PIK3R5: variants seen among roughly 807,000 people sequenced by gnomAD.
PIK3R5 encodes the protein phosphoinositide 3-kinase regulatory subunit 5.
In PIK3R5, 32 loss-of-function variants were observed where a neutral mutation model predicts 94.9. The ratio of observed to expected loss-of-function variants is 0.34; its 90% CI spans 0.25 to 0.45. The LOEUF is 0.45. Ranked by LOEUF, PIK3R5 falls within the 20% of genes least tolerant of loss-of-function variation. The pLI is 1.00. For synonymous variants in PIK3R5, 443 were observed against 479.4 expected, an observed-to-expected ratio of 0.92 and a Z score of 0.99; for missense variants, 853 against 1,144.6, an observed-to-expected ratio of 0.75 and a Z score of 3.68.
intron 5 of PIK3R5, among the ~76,000 whole-genome samples, chr17:8,897,146 G>A (rs1290490496): frequency 6.6e-6 from 1 of 152,226 alleles, no homozygotes; most frequent in African/African-American, 2.4e-5. Flanking sequence ...GGGACTCATG[G>A]CTGTGGGCCT....
chr17:8,922,241 T>C (rs79689936), intron 1 of PIK3R5, among the ~76,000 whole-genome samples: 5,969 of 152,180 alleles, frequency 0.039, 172 homozygotes, highest in Non-Finnish European at 0.055. Context: ...AGGTACTATG[T>C]TGGGCGCTTT....
rs780063301 is a variant in PIK3R5 at position 8,893,811 on chromosome 17, G to A, written c.413-156C>T. 2 of 596,074 alleles carry A rather than the reference G, an allele frequency of 3.4e-6. No individual in the cohort carries two copies. Among genetic ancestry groups the A allele is most frequent in the Non-Finnish European group, 6.1e-6 (2 of 329,442 alleles). 36.9% of individuals were successfully genotyped at this position (596,074 alleles called of 1,614,324 possible). A position where few individuals can be genotyped will look rare whatever the true frequency, so the allele number is the denominator to read the frequency against. ...GAAGCTGTTCTGTGGACCCTCCAGG[G>A]TGCCTAGCAGTTTGCTTCTATGCGT... On this transcript the variant is annotated intron_variant, in intron 5 of 18. Coordinates refer to ENST00000447110, the MANE Select transcript of PIK3R5 (RefSeq NM_001142633.3). The surrounding 1 kb of genome is among the most constrained non-coding windows in gnomAD (Gnocchi z 5.1).
intron 10 of PIK3R5, 64 bp from the exon 11 acceptor site, chr17:8,887,747 C>T: frequency 7.5e-6 from 11 of 1,474,006 alleles, no homozygotes; most frequent in African/African-American, 1.4e-5. Flanking sequence ...AATCCCAGCA[C>T]TTTGGGAGGC....
Position 8,911,298 on chromosome 17 carries a change from G to A in PIK3R5, c.103+94C>T, listed in dbSNP as rs1408750618. 1 of 946,664 alleles carries A rather than the reference G, an allele frequency of 1.1e-6. No individual in the cohort carries two copies. The allele number at this position is 946,664 out of a possible 1,614,324, so 58.6% of individuals were successfully genotyped here. On this transcript the variant is annotated intron_variant, in intron 2 of 18. Coordinates refer to ENST00000447110, the MANE Select transcript of PIK3R5 (RefSeq NM_001142633.3). This position sits in a 1 kb window ranked among gnomAD's most constrained non-coding sequence, Gnocchi z 5.3. ...AGTCACACAGACAGGGTTTCACCTA[G>A]AATTTGCCAGTTTCCATGCCTGGTC...
chr17:8,956,937 G>A (rs577256828), intron 1 of PIK3R5, among the ~76,000 whole-genome samples: 2 of 152,324 alleles, frequency 1.3e-5, no homozygotes, highest in African/African-American at 4.8e-5. Context: ...GGATGTGGGC[G>A]AGGATCCCAG....
chr17:8,921,502 T>A (rs183775821), intron 1 of PIK3R5, among the ~76,000 whole-genome samples: 15 of 152,044 alleles, frequency 9.9e-5, no homozygotes, highest in African/African-American at 3.6e-4. Context: ...CCCAAGAAAA[T>A]CAACTGAAAA....
chr17:8,893,559 G>C lies in PIK3R5; in HGVS notation c.482+27C>G, dbSNP rs1487542478. The C allele has an allele frequency of 6.3e-7, 1 of 1,596,916 alleles. No homozygotes were observed. The highest frequency in any genetic ancestry group is 1.1e-5 in the South Asian group (1 of 90,720). ...AGGGGTCCCAAACTCCCTCCCCACT[G>C]TTTCTCCGTCCCCCAAGAGCACTCA... On this transcript the variant is annotated intron_variant, in intron 6 of 18. Coordinates refer to ENST00000447110, the MANE Select transcript of PIK3R5 (RefSeq NM_001142633.3). The surrounding 1 kb of genome is among the most constrained non-coding windows in gnomAD (Gnocchi z 5.1).
At chr17:8,965,001 C>CA (rs1567679194) in intron 1 of PIK3R5, among the ~76,000 whole-genome samples, 27 of 150,694 alleles carry the variant, frequency 1.8e-4, no homozygotes, top group Non-Finnish European at 3.0e-4. Flanking sequence ...ATGCGCATGC[C>CA]CACACACACA....
chr17:8,965,199 G>C (rs114843800), intron 1 of PIK3R5, among the ~76,000 whole-genome samples: 2,475 of 152,334 alleles, frequency 0.016, 68 homozygotes, highest in African/African-American at 0.054. Context: ...CCCAGGTTCT[G>C]ACGGCACAAG....
Position 8,882,202 on chromosome 17 carries a change from C to A in PIK3R5, c.2206-321G>T. ...AAGAAGGGTTGGGCCCACAGACATG[C>A]TGTTTCTGGCAGAGCCAGACCTGAA... is the stretch of plus-strand genomic sequence containing the variant. On this transcript the variant is annotated intron_variant, in intron 15 of 18. Transcript: ENST00000447110. This position sits in a 1 kb window ranked among gnomAD's most constrained non-coding sequence, Gnocchi z 4.1. 2.9e-6 allele frequency: 1 copy of A among 347,080 alleles called. No homozygotes were observed. The highest frequency in any genetic ancestry group is 5.4e-6 in the Non-Finnish European group (1 of 183,970). 21.5% of individuals were successfully genotyped at this position (347,080 alleles called of 1,614,324 possible). A position where few individuals can be genotyped will look rare whatever the true frequency, so the allele number is the denominator to read the frequency against.
Position 8,880,718 on chromosome 17 carries a change from T to G in PIK3R5, c.2564A>C (p.Asp855Ala), listed in dbSNP as rs1353364791. Residue 855 changes from aspartate to alanine, a missense_variant, in exon 19 of 19, where the codon GAC (aspartate) becomes GCC (alanine). Around this residue, in one of 6 missense-constraint regions of PIK3R5, gnomAD observed 91 missense variants for 90.5 expected, o/e 1.01. Transcript: ENST00000447110. ...ATCAGGTGCGGCCTGGGCCGGCAGG[T>G]CAGGAGGCGTCTGGGGTGGTGAGGA... The part of the protein sequence containing the change: ...DLSSPPQTPP[D>A]LPAQAAPDLC... 1 of 1,613,828 alleles carries G rather than the reference T, an allele frequency of 6.2e-7. No homozygotes were observed. Among genetic ancestry groups the G allele is most frequent in the Admixed American group, 1.7e-5 (1 of 59,992 alleles).
chr17:8,897,294 T>C (rs1167188035), intron 5 of PIK3R5, among the ~76,000 whole-genome samples: 1 of 152,026 alleles, frequency 6.6e-6, no homozygotes, highest in Non-Finnish European at 1.5e-5. Context: ...GGAATGTGGC[T>C]AGAAAGCCAA....
intron 5 of PIK3R5, among the ~76,000 whole-genome samples, chr17:8,897,107 C>T (rs2090168680): frequency 6.6e-6 from 1 of 152,200 alleles, no homozygotes; most frequent in African/African-American, 2.4e-5. Flanking sequence ...TCCCCAGGGT[C>T]CTGGACTCCA....
chr17:8,940,399 C>T (rs961022892), intron 1 of PIK3R5, among the ~76,000 whole-genome samples: 1 of 42,078 alleles, frequency 2.4e-5, no homozygotes, highest in Non-Finnish European at 5.5e-5. Context: ...AACCACCGGC[C>T]ATCCTCAAGA....
chr17:8,893,521 G>A lies in PIK3R5; in HGVS notation c.482+65C>T. ...TGTTTGAGTGGGGGAGGAGGGTGAA[G>A]GTGGAACAGTGCAGGGGTCCCAAAC... On this transcript the variant is annotated intron_variant, in intron 6 of 18. Coordinates refer to ENST00000447110, the MANE Select transcript of PIK3R5 (RefSeq NM_001142633.3). This position sits in a 1 kb window ranked among gnomAD's most constrained non-coding sequence, Gnocchi z 5.1. 7.8e-7 allele frequency: 1 copy of A among 1,276,332 alleles called. No individual in the cohort carries two copies. The highest frequency in any genetic ancestry group is 1.1e-6 in the Non-Finnish European group (1 of 875,186). The allele number at this position is 1,276,332 out of a possible 1,614,324, so 79.1% of individuals were successfully genotyped here. A position where few individuals can be genotyped will look rare whatever the true frequency, so the allele number is the denominator to read the frequency against.
rs188739952 is a variant in PIK3R5, at chr17:8,893,702, G to A, written c.413-47C>T. 1.6e-5 allele frequency: 23 copies of A among 1,448,106 alleles called. No homozygotes were observed. In the East Asian group the frequency reaches 5.2e-4, roughly 33 times the overall value. The allele number at this position is 1,448,106 out of a possible 1,614,324, so 89.7% of individuals were successfully genotyped here. A position where few individuals can be genotyped will look rare whatever the true frequency, so the allele number is the denominator to read the frequency against. On this transcript the variant is annotated intron_variant, in intron 5 of 18. Transcript: ENST00000447110. The surrounding 1 kb of genome is among the most constrained non-coding windows in gnomAD (Gnocchi z 5.1). The stretch of plus-strand genomic sequence containing the variant: ...GTTCATGGGCTGATCAGTTCCTTCA[G>A]CATCGTCCGTGTGCCTCGTGGGGAG...
intron 12 of PIK3R5, 51 bp downstream of exon 12, chr17:8,887,045 C>T: frequency 6.2e-7 from 1 of 1,607,318 alleles, no homozygotes. Context: ...CTAAGTGAGG[C>T]TGGGTGACTG....
chr17:8,896,906 T>C lies in PIK3R5; in HGVS notation c.413-3251A>G, dbSNP rs1294699448. The stretch of plus-strand genomic sequence containing the variant: ...GAAGCAGAGCCCGGCCCCAACGGCA[T>C]TGCAATCTCCAAATGAGACTAGATC... On this transcript the variant is annotated intron_variant, in intron 5 of 18. Coordinates refer to ENST00000447110, the MANE Select transcript of PIK3R5 (RefSeq NM_001142633.3). This position sits in a 1 kb window ranked among gnomAD's most constrained non-coding sequence, Gnocchi z 4.0. 6.6e-6 allele frequency among the ~76,000 whole-genome samples: 1 copy of C among 152,182 alleles called. No homozygotes were observed. The highest frequency in any genetic ancestry group is 2.4e-5 in the African/African-American group (1 of 41,440).
At chr17:8,927,440 C>T (rs993861378) in intron 1 of PIK3R5, among the ~76,000 whole-genome samples, 7 of 152,188 alleles carry the variant, frequency 4.6e-5, no homozygotes, top group African/African-American at 9.7e-5. Flanking sequence ...TCTCCATTAG[C>T]GGTAATTAGC....
Sources: gnomAD v4.1 joint callset for allele counts (sites outside exome capture counted in the v4.1 genomes callset) on GRCh38, gnomAD v4.1.1 for gene constraint, gnomAD v4.1.1 regional missense constraint, Gnocchi (gnomAD v3.1) non-coding constraint, MANE v1.5 for transcripts, NCBI Gene and HGNC (gene_info 2026-07-23, HGNC 2026-07-21) for gene names.